The following IFTAP variants were observed in gnomAD, a reference collection of about 807,000 sequenced individuals.
The protein encoded by IFTAP is intraflagellar transport associated protein.
Under a neutral mutation model 19.4 loss-of-function variants are expected in IFTAP, and 19 were observed. That is an observed-to-expected ratio of 0.98 (90% CI 0.68 to 1.44). The LOEUF is 1.44. Ranked by LOEUF, IFTAP falls within the 40% of genes most tolerant of loss-of-function variation. IFTAP has a pLI of 0.00. For synonymous variants in IFTAP, 85 were observed against 83.5 expected (o/e 1.02, Z -0.10); for missense variants, 240 against 253.6 (o/e 0.95, Z 0.36).
intron 5 of IFTAP, among the ~76,000 whole-genome samples, chr11:36,653,541 A>T (rs1356669162): frequency 6.6e-6 from 1 of 152,158 alleles, no homozygotes; most frequent in East Asian, 1.9e-4. Flanking sequence ...TATAGCTTTG[A>T]ACTCTAACAC....
chr11:36,637,266 C>T (rs1026846258), intron 4 of IFTAP, among the ~76,000 whole-genome samples: 1 of 152,184 alleles, frequency 6.6e-6, no homozygotes. Context: ...TTTTATTCTG[C>T]TTTCAAGCAT....
chr11:36,656,136 C>T (rs560039896), intron 5 of IFTAP, among the ~76,000 whole-genome samples: 3 of 152,118 alleles, frequency 2.0e-5, no homozygotes, highest in East Asian at 3.9e-4. Context: ...CCAACTTGGC[C>T]GTGGGAGCCC....
intron 1 of IFTAP, among the ~76,000 whole-genome samples, chr11:36,605,265 A>C (rs1358015832): frequency 6.6e-6 from 1 of 151,590 alleles, no homozygotes; most frequent in East Asian, 1.9e-4. Context: ...CAGAGTTTTT[A>C]ACCACCTCCC....
chr11:36,600,160 T>C (rs1851453770), intron 1 of IFTAP, among the ~76,000 whole-genome samples: 1 of 152,220 alleles, frequency 6.6e-6, no homozygotes, highest in South Asian at 2.1e-4. Flanking sequence ...TCTCCAAAAG[T>C]CCTCAGCATT....
intron 1 of IFTAP, among the ~76,000 whole-genome samples, chr11:36,606,411 C>T (rs1363416078): frequency 5.3e-5 from 8 of 151,956 alleles, no homozygotes; most frequent in East Asian, 1.9e-4. Context: ...TGCAGTGAGC[C>T]GAGATCGCAT....
chr11:36,655,635 T>C (rs16929271), intron 5 of IFTAP, among the ~76,000 whole-genome samples: 2,852 of 152,264 alleles, frequency 0.019, 40 homozygotes, highest in South Asian at 0.033. Context: ...ACAGTATATC[T>C]CCAAAATGGT....
intron 2 of IFTAP, among the ~76,000 whole-genome samples, chr11:36,618,748 G>A (rs1341184934): frequency 6.6e-6 from 1 of 151,952 alleles, no homozygotes; most frequent in Non-Finnish European, 1.5e-5. Context: ...ATGTAATTGG[G>A]AACCATAGTA....
At chr11:36,641,629 G>A (rs1853204166) in intron 4 of IFTAP, among the ~76,000 whole-genome samples, 1 of 152,174 alleles carries the variant, frequency 6.6e-6, no homozygotes, top group Admixed American at 6.5e-5. Context: ...TTGCACTGTG[G>A]TCAGAGAGAT....
intron 5 of IFTAP, among the ~76,000 whole-genome samples, chr11:36,655,290 C>A (rs1853928719): frequency 6.6e-6 from 1 of 152,142 alleles, no homozygotes; most frequent in African/African-American, 2.4e-5. Flanking sequence ...AACTTGTAAA[C>A]TAATGTTTAC....
chr11:36,596,442 TCAG>T (rs1451278081), intron 1 of IFTAP, among the ~76,000 whole-genome samples: 3 of 152,178 alleles, frequency 2.0e-5, no homozygotes. Context: ...AGTTGTATAT[TCAG>T]CAAACTGCCC....
intron 4 of IFTAP, among the ~76,000 whole-genome samples, chr11:36,646,812 AATG>A (rs2133509716): frequency 6.6e-6 from 1 of 152,218 alleles, no homozygotes; most frequent in South Asian, 2.1e-4. Flanking sequence ...AAGCACATAA[AATG>A]ATGAGTATGT....
intron 5 of IFTAP, among the ~76,000 whole-genome samples, chr11:36,650,564 A>G (rs1853676021): frequency 6.6e-6 from 1 of 151,164 alleles, no homozygotes; most frequent in Non-Finnish European, 1.5e-5. Flanking sequence ...TTTCCAAAAA[A>G]AAAATATATT....
At chr11:36,628,551 A>T (rs564538952) in intron 2 of IFTAP, among the ~76,000 whole-genome samples, 1 of 151,310 alleles carries the variant, frequency 6.6e-6, no homozygotes, top group Non-Finnish European at 1.5e-5. Flanking sequence ...CTCTGTGAGG[A>T]CAACAAGGAC....
chr11:36,651,910 A>G (rs947292727), intron 5 of IFTAP, among the ~76,000 whole-genome samples: 6 of 152,256 alleles, frequency 3.9e-5, no homozygotes, highest in African/African-American at 9.6e-5. Context: ...CCTTTGGTCT[A>G]TATCTCTGGT....
chr11:36,659,175 T>C lies in IFTAP; in HGVS notation c.655T>C (p.Ser219Pro). ...RKDTSPDLEK[S>P]CD ...GGACACCAGCCCAGACTTAGAGAAA[T>C]CCTGTGACTGATTCACAGAGGCATT... Residue 219 changes from serine to proline, a missense_variant, in exon 6 of 6, where the codon TCC becomes CCC. By Grantham distance (74) the Ser-to-Pro change is moderately conservative. Transcript: ENST00000334307. 6.3e-7 allele frequency: 1 copy of C among 1,575,154 alleles called. No individual in the cohort carries two copies. The highest frequency in any genetic ancestry group is 1.2e-5 in the South Asian group (1 of 82,348).
chr11:36,609,955 C>G, intron 1 of IFTAP, 126 bp from the exon 2 acceptor site: 1 of 763,050 alleles, frequency 1.3e-6, no homozygotes, highest in South Asian at 1.8e-5. Context: ...CTAGAGGTCA[C>G]TGCTCTAGTA....
chr11:36,633,612 A>T (rs1852813989), intron 3 of IFTAP, among the ~76,000 whole-genome samples, 174 bp downstream of exon 3: 1 of 152,124 alleles, frequency 6.6e-6, no homozygotes, highest in Admixed American at 6.5e-5. Context: ...TATATTTCAT[A>T]ATGTTGACAG....
intron 2 of IFTAP, among the ~76,000 whole-genome samples, chr11:36,616,185 A>G (rs963084616): frequency 6.6e-6 from 1 of 151,966 alleles, no homozygotes; most frequent in East Asian, 1.9e-4. Context: ...CAGCTTTCCA[A>G]GTGATTCTAG....
intron 2 of IFTAP, among the ~76,000 whole-genome samples, chr11:36,618,526 G>A (rs1000862385): frequency 1.3e-5 from 2 of 152,008 alleles, no homozygotes; most frequent in Non-Finnish European, 2.9e-5. Flanking sequence ...AGTGTCTAAA[G>A]CAGTGCCTGG....
Sources: gnomAD v4.1 joint callset for allele counts (sites outside exome capture counted in the v4.1 genomes callset) on GRCh38, gnomAD v4.1.1 for gene constraint, MANE v1.5 for transcripts, NCBI Gene and HGNC (gene_info 2026-07-23, HGNC 2026-07-21) for gene names.